Variants in DMD observed in about 807,000 individuals in gnomAD.
The protein encoded by DMD is dystrophin.
Under a neutral mutation model 330.1 loss-of-function variants are expected in DMD, and 63 were observed. That is an observed-to-expected ratio of 0.19 (90% CI 0.16 to 0.24). DMD has a LOEUF of 0.24. DMD is among the 10% of genes least tolerant of loss of function. DMD has a pLI of 1.00. For missense variants in DMD, 3,344 were observed against 2,684.1 expected (o/e 1.25, Z -5.43); for synonymous variants, 1,223 against 959.8 (o/e 1.27, Z -5.07).
intron 1 of DMD, among the ~76,000 whole-genome samples, chrX:33,094,911 C>T (rs2148333158): frequency 9.1e-6 from 1 of 110,368 alleles, no homozygotes; most frequent in South Asian, 3.8e-4. Flanking sequence ...AAAGGGGTAG[C>T]CAAGATTTTT....
At chrX:33,271,319 A>C (rs1794690077) in intron 1 of DMD, among the ~76,000 whole-genome samples, 1 of 111,072 alleles carries the variant, frequency 9.0e-6, no homozygotes, top group Non-Finnish European at 1.9e-5. Flanking sequence ...AGGTGTAAAA[A>C]ATTAATGATC....
intron 60 of DMD, among the ~76,000 whole-genome samples, chrX:31,407,483 T>C (rs1304011484): frequency 1.9e-5 from 2 of 104,034 alleles, no homozygotes; most frequent in Non-Finnish European, 3.9e-5. Context: ...TTTTTCTTTT[T>C]TTTTTTGAGA....
intron 18 of DMD, among the ~76,000 whole-genome samples, chrX:32,509,963 T>C (rs1186457533): frequency 9.0e-6 from 1 of 111,686 alleles, no homozygotes; most frequent in Non-Finnish European, 1.9e-5. Context: ...AAGTGAGTTA[T>C]CATGGTGCTC....
chrX:32,795,453 T>C (rs1402198401), intron 7 of DMD, among the ~76,000 whole-genome samples: 1 of 111,917 alleles, frequency 8.9e-6, no homozygotes, highest in Non-Finnish European at 1.9e-5. Flanking sequence ...CTCACCATAT[T>C]AGAAAATTCA....
chrX:31,503,793 A>G (rs997952279), intron 56 of DMD, among the ~76,000 whole-genome samples: 2 of 110,963 alleles, frequency 1.8e-5, no homozygotes, highest in African/African-American at 6.5e-5. Flanking sequence ...AATAGAATTT[A>G]TTGATTCTCT....
At chrX:32,091,640 C>T (rs1034221924) in intron 44 of DMD, among the ~76,000 whole-genome samples, 9 of 111,033 alleles carry the variant, frequency 8.1e-5, no homozygotes, top group Middle Eastern at 4.3e-3. Context: ...TTTAAAGTTA[C>T]AGTTAATAAT....
chrX:32,707,110 T>A (rs761365033), intron 7 of DMD, among the ~76,000 whole-genome samples: 93 of 109,963 alleles, frequency 8.5e-4, no homozygotes, highest in Non-Finnish European at 1.6e-3. Flanking sequence ...TAAAAAAAAA[T>A]CTATATTGAA....
intron 7 of DMD, among the ~76,000 whole-genome samples, chrX:32,790,259 A>G (rs2075718944): frequency 8.9e-6 from 1 of 112,042 alleles, no homozygotes; most frequent in Non-Finnish European, 1.9e-5. Flanking sequence ...GAAGGAAATG[A>G]GGCACTCTAT....
intron 61 of DMD, among the ~76,000 whole-genome samples, chrX:31,337,491 A>T (rs189655132): frequency 8.9e-6 from 1 of 112,454 alleles, no homozygotes; most frequent in Admixed American, 9.4e-5. Flanking sequence ...GTACTTTGTA[A>T]TCCCAAACTG....
chrX:32,964,397 C>T (rs1342221172), intron 2 of DMD, among the ~76,000 whole-genome samples: 1 of 110,619 alleles, frequency 9.0e-6, no homozygotes, highest in Non-Finnish European at 1.9e-5. Flanking sequence ...TATGAGGCAA[C>T]CAAATAGAAA....
chrX:32,972,570 T>A (rs1388605830), intron 2 of DMD, among the ~76,000 whole-genome samples: 1 of 111,912 alleles, frequency 8.9e-6, no homozygotes, highest in African/African-American at 3.2e-5. Flanking sequence ...TTGAAAAAAA[T>A]TGATCAACAT....
chrX:32,193,738 T>A (rs1423065816), intron 44 of DMD, among the ~76,000 whole-genome samples: 2 of 111,880 alleles, frequency 1.8e-5, no homozygotes, highest in Non-Finnish European at 3.8e-5. Flanking sequence ...TGTGATGGGG[T>A]CTTTAACCTG....
chrX:31,351,197 C>T (rs935331316), intron 60 of DMD, among the ~76,000 whole-genome samples: 6 of 110,587 alleles, frequency 5.4e-5, no homozygotes, highest in South Asian at 3.9e-4. Context: ...TACATACATA[C>T]ATATGTATAT....
At chrX:31,999,288 G>A (rs904835707) in intron 44 of DMD, among the ~76,000 whole-genome samples, 5 of 111,722 alleles carry the variant, frequency 4.5e-5, no homozygotes, top group Admixed American at 2.8e-4. Flanking sequence ...TGTACCCAAC[G>A]TACAGTTGAA....
intron 1 of DMD, among the ~76,000 whole-genome samples, chrX:33,323,120 C>A (rs776869873): frequency 1.8e-5 from 2 of 111,784 alleles, no homozygotes; most frequent in African/African-American, 3.2e-5. Flanking sequence ...ATTATTTAAA[C>A]CTATTGATGC....
intron 1 of DMD, among the ~76,000 whole-genome samples, chrX:33,191,583 C>T (rs915636506): frequency 9.0e-6 from 1 of 110,921 alleles, no homozygotes; most frequent in African/African-American, 3.3e-5. Context: ...ACCACCACGT[C>T]CAGCTAATGT....
At chrX:31,466,700 A>G (rs1411549863) in intron 59 of DMD, among the ~76,000 whole-genome samples, 1 of 111,806 alleles carries the variant, frequency 8.9e-6, no homozygotes, top group South Asian at 3.8e-4. Context: ...ATGTGAAGAA[A>G]GTCAATGGTA....
chrX:32,014,323 C>CACA (rs778801259), intron 44 of DMD, among the ~76,000 whole-genome samples: 129 of 110,081 alleles, frequency 1.2e-3, no homozygotes, highest in Middle Eastern at 4.7e-3. Context: ...AGATTCATTT[C>CACA]CATAATACTT....
intron 2 of DMD, among the ~76,000 whole-genome samples, chrX:32,988,524 T>C (rs764164199): frequency 8.9e-6 from 1 of 112,483 alleles, no homozygotes; most frequent in Admixed American, 9.4e-5. Flanking sequence ...CACTTCAGGC[T>C]GTCAGGCCAG....
Sources: allele counts gnomAD v4.1 joint callset (sites outside exome capture counted in the v4.1 genomes callset), GRCh38; gene constraint gnomAD v4.1.1; transcripts MANE v1.5; gene names NCBI Gene and HGNC (gene_info 2026-07-23, HGNC 2026-07-21).